Variants in BARD1 observed in about 807,000 individuals in gnomAD.
BARD1 encodes the protein BRCA1 associated RING domain 1, also known as BRCA1-associated RING domain protein 1.
A neutral mutation model predicts 77.0 loss-of-function variants in BARD1; 73 were observed. That is an observed-to-expected ratio of 0.95 (90% confidence interval 0.79 to 1.15). The LOEUF (loss-of-function observed/expected upper bound fraction) is 1.15. BARD1 is among the 50% of genes most tolerant of loss of function. The pLI, the probability that BARD1 is intolerant of heterozygous loss-of-function variation, is 0.00. For missense variants in BARD1, 993 were observed against 938.8 expected, an observed-to-expected ratio of 1.06 and a Z score of -0.75; for synonymous variants, 384 against 338.0, an observed-to-expected ratio of 1.14 and a Z score of -1.49.
chr2:214,739,243 TA>T (rs937034464), intron 9 of BARD1, among the ~76,000 whole-genome samples: 71 of 144,826 alleles, frequency 4.9e-4, no homozygotes, highest in South Asian at 1.1e-3. Flanking sequence ...CAAAATATCC[TA>T]AAAAAAAAAA....
At chr2:214,753,214 G>C (rs1240124374) in intron 6 of BARD1, among the ~76,000 whole-genome samples, 2 of 152,094 alleles carry the variant, frequency 1.3e-5, no homozygotes, top group Non-Finnish European at 2.9e-5. Context: ...AAAAAAGAGA[G>C]AAGAACAAGT....
chr2:214,801,820 G>A (rs958630915), intron 1 of BARD1, among the ~76,000 whole-genome samples: 1 of 140,456 alleles, frequency 7.1e-6, no homozygotes, highest in Non-Finnish European at 1.5e-5. Flanking sequence ...TGGGGTTCTG[G>A]GATTCAATGT....
chr2:214,796,326 T>C (rs1394571946), intron 2 of BARD1, among the ~76,000 whole-genome samples: 2 of 152,160 alleles, frequency 1.3e-5, no homozygotes, highest in Non-Finnish European at 2.9e-5. Context: ...CCTCAGTTAC[T>C]GTGAATGTGA....
chr2:214,732,643 C>T (rs868415363), intron 9 of BARD1, among the ~76,000 whole-genome samples: 1 of 152,164 alleles, frequency 6.6e-6, no homozygotes, highest in Non-Finnish European at 1.5e-5. Flanking sequence ...GATCTGCACA[C>T]CTCAGCCTCC....
At chr2:214,805,707 C>T (rs1250322639) in intron 1 of BARD1, among the ~76,000 whole-genome samples, 2 of 152,016 alleles carry the variant, frequency 1.3e-5, no homozygotes, top group South Asian at 4.1e-4. Flanking sequence ...CTACACTATG[C>T]TGCCTCAAAG....
chr2:214,792,884 G>A (rs1695595458), intron 2 of BARD1, among the ~76,000 whole-genome samples: 1 of 152,098 alleles, frequency 6.6e-6, no homozygotes. Context: ...TAGCTTTTGG[G>A]AAAAGATCTT....
chr2:214,755,041 G>A (rs929277824), intron 6 of BARD1, among the ~76,000 whole-genome samples: 5 of 152,222 alleles, frequency 3.3e-5, no homozygotes, highest in African/African-American at 9.6e-5. Context: ...TCCCACTGAT[G>A]TATTTTAACA....
At chr2:214,790,536 C>T (rs529474323) in intron 3 of BARD1, among the ~76,000 whole-genome samples, 1 of 152,310 alleles carries the variant, frequency 6.6e-6, no homozygotes, top group South Asian at 2.1e-4. Context: ...AAGAACCAAC[C>T]TTGCATACAC....
rs376248938 is a variant in BARD1 at position 214,792,411 on chromosome 2, G to C, written c.250C>G (p.Pro84Ala). The change falls in exon 3 of 11, where the codon CCA (proline) becomes GCA (alanine). Residue 84 changes from proline to alanine, a missense_variant. Transcript: ENST00000260947. ...CVSDCIGTGC[P>A]VCYTPAWIQD... ...ATCCAGGCCGGGGTGTAACACACTG[G>C]ACATCCAGTTCCAATGCAGTCACTT... 5 of 1,609,264 alleles carry C rather than the reference G, an allele frequency of 3.1e-6. No homozygotes were observed. Among genetic ancestry groups the C allele is most frequent in the African/African-American group, 2.7e-5 (2 of 73,868 alleles).
chr2:214,784,357 A>G (rs1347795915), intron 3 of BARD1, among the ~76,000 whole-genome samples: 3 of 152,234 alleles, frequency 2.0e-5, no homozygotes, highest in African/African-American at 7.2e-5. Flanking sequence ...AATGGCGATC[A>G]TTAAAAAGTC....
chr2:214,765,939 T>TA (rs1419453342), intron 6 of BARD1, among the ~76,000 whole-genome samples: 1 of 152,172 alleles, frequency 6.6e-6, no homozygotes, highest in Non-Finnish European at 1.5e-5. Flanking sequence ...TAATTACCAA[T>TA]AAAAAATTAC....
intron 4 of BARD1, among the ~76,000 whole-genome samples, chr2:214,775,341 G>C (rs923241793): frequency 1.3e-5 from 2 of 152,092 alleles, no homozygotes; most frequent in African/African-American, 4.8e-5. Context: ...CAATATTCTT[G>C]TGTCCCAGGA....
chr2:214,784,591 A>G (rs1388702857), intron 3 of BARD1, among the ~76,000 whole-genome samples: 9 of 152,146 alleles, frequency 5.9e-5, no homozygotes, highest in Admixed American at 4.6e-4. Flanking sequence ...TGTTTATTGT[A>G]GCACTGTTCA....
chr2:214,733,288 G>C (rs768159254), intron 9 of BARD1, among the ~76,000 whole-genome samples: 2 of 152,078 alleles, frequency 1.3e-5, no homozygotes, highest in African/African-American at 4.8e-5. Flanking sequence ...ATATTTGCAC[G>C]TACATAATTA....
At chr2:214,751,103 GTGTGTGTGTGTGTGTATA>G (rs1693392277) in intron 7 of BARD1, among the ~76,000 whole-genome samples, 2 of 17,582 alleles carry the variant, frequency 1.1e-4, no homozygotes, top group African/African-American at 1.6e-4. Context: ...GTGTGTGTGT[GTGTGTGTGTGTGTGTATA>G]TATATATATA....
intron 6 of BARD1, among the ~76,000 whole-genome samples, chr2:214,752,869 G>A (rs546524148): frequency 3.9e-5 from 6 of 151,974 alleles, no homozygotes; most frequent in Non-Finnish European, 5.9e-5. Flanking sequence ...ACTTTCAAAT[G>A]CCAATAAAAA....
At chr2:214,751,151 AT>A (rs60746999) in intron 7 of BARD1, among the ~76,000 whole-genome samples, 4 of 37,186 alleles carry the variant, frequency 1.1e-4, no homozygotes, top group African/African-American at 3.7e-4. Flanking sequence ...ATATATATAT[AT>A]TTTTTTTTTT....
At chr2:214,783,134 G>T (rs1695115410) in intron 3 of BARD1, among the ~76,000 whole-genome samples, 1 of 152,104 alleles carries the variant, frequency 6.6e-6, no homozygotes, top group Non-Finnish European at 1.5e-5. Flanking sequence ...GCAGAGTGTA[G>T]AAAAAGTCAG....
chr2:214,743,562 T>C (rs191782434), intron 9 of BARD1, among the ~76,000 whole-genome samples: 11 of 151,750 alleles, frequency 7.2e-5, no homozygotes, highest in African/African-American at 2.2e-4. Context: ...ATACGATCCA[T>C]AGAGCTTATT....
Sources: gnomAD v4.1 joint callset for allele counts (sites outside exome capture counted in the v4.1 genomes callset) on GRCh38, gnomAD v4.1.1 for gene constraint, MANE v1.5 for transcripts, NCBI Gene and HGNC (gene_info 2026-07-23, HGNC 2026-07-21) for gene names.